Variants in GPR158 observed in about 807,000 individuals in gnomAD.
GPR158 encodes the protein metabotropic glycine receptor.
A neutral mutation model predicts 78.2 loss-of-function variants in GPR158; 30 were observed. That is an observed-to-expected ratio of 0.38 (90% CI 0.29 to 0.52). The LOEUF (loss-of-function observed/expected upper bound fraction) is 0.52, where lower values mean the gene tolerates loss of function less well. Among genes scored for constraint, GPR158 ranks in the 20% least tolerant of loss-of-function variants. The probability of loss-of-function intolerance (pLI) is 0.83; values close to 1 mark genes in which losing one functional copy is unlikely to be tolerated. For missense variants in GPR158, 1,463 were observed against 1,523.5 expected, an observed-to-expected ratio of 0.96 and a Z score of 0.66; for synonymous variants, 581 against 591.1, an observed-to-expected ratio of 0.98 and a Z score of 0.25.
chr10:25,467,365 C>T (rs1247593816), intron 5 of GPR158, among the ~76,000 whole-genome samples: 1 of 152,140 alleles, frequency 6.6e-6, no homozygotes, highest in Non-Finnish European at 1.5e-5. Context: ...CACTCAGTAT[C>T]TTCAGGATTG....
chr10:25,357,060 C>T (rs147213181), intron 2 of GPR158, among the ~76,000 whole-genome samples: 5 of 152,096 alleles, frequency 3.3e-5, no homozygotes, highest in Admixed American at 2.6e-4. Context: ...AAAGGTGATG[C>T]TTGTTATGTT....
At chr10:25,282,860 T>A (rs983061850) in intron 2 of GPR158, among the ~76,000 whole-genome samples, 2 of 152,148 alleles carry the variant, frequency 1.3e-5, no homozygotes, top group African/African-American at 4.8e-5. Flanking sequence ...TCTTTGTATA[T>A]GCTAAATATT....
chr10:25,392,851 A>T (rs1201798315), intron 2 of GPR158, among the ~76,000 whole-genome samples: 1 of 152,224 alleles, frequency 6.6e-6, no homozygotes, highest in Non-Finnish European at 1.5e-5. Flanking sequence ...GACCACTTGT[A>T]TACTTCAAGG....
chr10:25,338,620 A>ATATT (rs1180080891), intron 2 of GPR158, among the ~76,000 whole-genome samples: 2 of 147,214 alleles, frequency 1.4e-5, no homozygotes, highest in South Asian at 2.1e-4. Context: ...AAAATCATAT[A>ATATT]AATATATAAG....
intron 2 of GPR158, among the ~76,000 whole-genome samples, chr10:25,226,130 T>G (rs1853369220): frequency 6.6e-6 from 1 of 152,190 alleles, no homozygotes; most frequent in African/African-American, 2.4e-5. Flanking sequence ...TAACAAATAC[T>G]ATTGTTCACC....
At chr10:25,371,017 C>T (rs1444776092) in intron 2 of GPR158, among the ~76,000 whole-genome samples, 1 of 144,968 alleles carries the variant, frequency 6.9e-6, no homozygotes. Flanking sequence ...TTTCCATTGG[C>T]TTGGTAGATC....
intron 2 of GPR158, among the ~76,000 whole-genome samples, chr10:25,330,836 G>A (rs1855109164): frequency 6.6e-6 from 1 of 152,106 alleles, no homozygotes; most frequent in Non-Finnish European, 1.5e-5. Flanking sequence ...CTTAGTAGAA[G>A]GACTTCACAA....
At chr10:25,466,787 T>TACACAC (rs71399973) in intron 5 of GPR158, 68 bp downstream of exon 5, 9 of 707,428 alleles carry the variant, frequency 1.3e-5, no homozygotes, top group East Asian at 5.8e-5. Context: ...AGTTACTGTT[T>TACACAC]ACACACACAC....
chr10:25,269,826 C>T (rs934616820), intron 2 of GPR158, among the ~76,000 whole-genome samples: 12 of 152,124 alleles, frequency 7.9e-5, no homozygotes, highest in African/African-American at 2.2e-4. Flanking sequence ...ATCCTGATAT[C>T]CAAAAGTGTT....
intron 4 of GPR158, 118 bp downstream of exon 4, chr10:25,412,591 A>G: frequency 1.5e-6 from 1 of 680,102 alleles, no homozygotes; most frequent in South Asian, 1.7e-5. Flanking sequence ...TTTCTACAAT[A>G]TGATTGGACT....
intron 5 of GPR158, among the ~76,000 whole-genome samples, chr10:25,469,628 C>A (rs2130621239): frequency 6.6e-6 from 1 of 151,618 alleles, no homozygotes; most frequent in African/African-American, 2.4e-5. Flanking sequence ...ACTGAAAATA[C>A]AAAAAATTAG....
intron 1 of GPR158, among the ~76,000 whole-genome samples, chr10:25,212,080 T>C (rs1202058947): frequency 1.3e-5 from 2 of 152,206 alleles, no homozygotes; most frequent in African/African-American, 4.8e-5. Context: ...TTTCATTTGA[T>C]GAGAATTGAC....
intron 2 of GPR158, among the ~76,000 whole-genome samples, chr10:25,251,106 G>C (rs1337842397): frequency 6.6e-6 from 1 of 152,086 alleles, no homozygotes; most frequent in East Asian, 1.9e-4. Flanking sequence ...TTGGTTTAAA[G>C]TCTGTTTTAT....
Position 25,176,380 on chromosome 10 carries a change from G to A in GPR158, c.902+58G>A, listed in dbSNP as rs74123696. 1.4e-4 allele frequency: 185 copies of A among 1,318,678 alleles called. 1 individual carries two copies. The African/African-American group carries it at 2.1e-3, about 15-fold the overall frequency. The allele number at this position is 1,318,678 out of a possible 1,614,324, so 81.7% of individuals were successfully genotyped here. On this transcript the variant is annotated intron_variant, in intron 1 of 10. Coordinates refer to ENST00000376351, the MANE Select transcript of GPR158 (RefSeq NM_020752.3). The surrounding 1 kb of genome is among the most constrained non-coding windows in gnomAD (Gnocchi z 6.3). ...AAAGCGAAGCTTTCCTTCCGGTCTT[G>A]TGGGTGGGTGCACGTGTGAGGAAGG...
intron 2 of GPR158, among the ~76,000 whole-genome samples, chr10:25,285,342 G>A (rs1300968875): frequency 6.6e-6 from 1 of 152,048 alleles, no homozygotes; most frequent in East Asian, 1.9e-4. Context: ...TCTGAGAGGA[G>A]ATTTAGTGGG....
chr10:25,423,196 C>A (rs1248300736), intron 4 of GPR158, among the ~76,000 whole-genome samples: 1 of 146,928 alleles, frequency 6.8e-6, no homozygotes, highest in Non-Finnish European at 1.5e-5. Flanking sequence ...CACATATATA[C>A]ACACACACAC....
chr10:25,419,801 A>T (rs1471064037), intron 4 of GPR158, among the ~76,000 whole-genome samples: 3 of 152,116 alleles, frequency 2.0e-5, no homozygotes, highest in Non-Finnish European at 4.4e-5. Flanking sequence ...CCATTTATAT[A>T]TCTTCTTTGA....
intron 2 of GPR158, among the ~76,000 whole-genome samples, chr10:25,263,012 C>A (rs995462177): frequency 6.6e-6 from 1 of 151,964 alleles, no homozygotes; most frequent in Non-Finnish European, 1.5e-5. Context: ...TTTTTATTTT[C>A]TTGATGTTGT....
chr10:25,331,512 A>G (rs1159910387), intron 2 of GPR158, among the ~76,000 whole-genome samples: 1 of 152,218 alleles, frequency 6.6e-6, no homozygotes, highest in African/African-American at 2.4e-5. Flanking sequence ...AAGATGAACA[A>G]GGGAATTCTA....
Sources: allele counts gnomAD v4.1 joint callset (sites outside exome capture counted in the v4.1 genomes callset), GRCh38; gene constraint gnomAD v4.1.1; non-coding constraint Gnocchi (gnomAD v3.1); transcripts MANE v1.5; gene names NCBI Gene and HGNC (gene_info 2026-07-23, HGNC 2026-07-21).